The following TSPAN18 variants were observed in gnomAD, a reference collection of about 807,000 sequenced individuals.
TSPAN18 encodes tetraspanin 18, also known as tetraspanin-18.
In TSPAN18, 14 loss-of-function variants were observed where a neutral mutation model predicts 27.3. The observed-to-expected ratio is 0.51, with a 90% CI of 0.34 to 0.80. TSPAN18 has a LOEUF of 0.80. Among genes scored for constraint, TSPAN18 ranks in the 30% least tolerant of loss-of-function variants. The pLI is 0.01. For missense variants in TSPAN18, 268 were observed against 323.9 expected (o/e 0.83, Z 1.32); for synonymous variants, 143 against 136.5 (o/e 1.05, Z -0.33).
intron 5 of TSPAN18, among the ~76,000 whole-genome samples, chr11:44,912,389 C>G (rs1859753875): frequency 6.6e-6 from 1 of 151,720 alleles, no homozygotes; most frequent in African/African-American, 2.4e-5. Flanking sequence ...CTCTCCCTCC[C>G]CGTTTCCCTG....
At position 44,929,446 on chromosome 11, in the gene TSPAN18, G is replaced by A. The variant is rs1276502127; in HGVS notation, c.*268G>A. ...CAGCAACTGGCCCAGGATGCAGGCTGCTCTAGAGACCAAAGGAACACCAGG... is the reference window on the plus strand; with the variant it reads ...CAGCAACTGGCCCAGGATGCAGGCTACTCTAGAGACCAAAGGAACACCAGG... On this transcript the variant is annotated 3_prime_UTR_variant, in exon 10 of 10. Transcript: ENST00000520358. 1 of 499,950 alleles carries A rather than the reference G, an allele frequency of 2.0e-6. No homozygotes were observed. Among genetic ancestry groups the A allele is most frequent in the Non-Finnish European group, 3.5e-6 (1 of 281,810 alleles). 31.0% of individuals were successfully genotyped at this position (499,950 alleles called of 1,614,324 possible). A position where few individuals can be genotyped will look rare whatever the true frequency, so the allele number is the denominator to read the frequency against.
chr11:44,751,505 G>A (rs1855209757), intron 1 of TSPAN18, among the ~76,000 whole-genome samples: 1 of 152,142 alleles, frequency 6.6e-6, no homozygotes, highest in Non-Finnish European at 1.5e-5. Flanking sequence ...ACATGCTTAG[G>A]AAGTGCCTGA....
Position 44,929,207 on chromosome 11 carries a change from C to A in TSPAN18, c.*29C>A. 1 of 1,613,118 alleles carries A rather than the reference C, an allele frequency of 6.2e-7. No individual in the cohort carries two copies. Among genetic ancestry groups the A allele is most frequent in the Admixed American group, 1.7e-5 (1 of 60,028 alleles). The stretch of plus-strand genomic sequence containing the variant: ...GTATGGCCTGAAGCCTGAAGACTCG[C>A]CCCACCCACCACTGCCCAGCACCCA... On this transcript the variant is annotated 3_prime_UTR_variant, in exon 10 of 10. Coordinates refer to ENST00000520358, the MANE Select transcript of TSPAN18 (RefSeq NM_130783.5).
chr11:44,862,701 A>G (rs1039995703), intron 3 of TSPAN18, among the ~76,000 whole-genome samples: 2 of 152,010 alleles, frequency 1.3e-5, no homozygotes, highest in East Asian at 1.9e-4. Context: ...CTTGCCCCCA[A>G]CCCCTCGCCT....
At chr11:44,740,069 G>T (rs576044572) in intron 1 of TSPAN18, among the ~76,000 whole-genome samples, 7 of 152,342 alleles carry the variant, frequency 4.6e-5, no homozygotes, top group Admixed American at 2.6e-4. Flanking sequence ...GACACCTATG[G>T]TAGGGTGGCT....
intron 3 of TSPAN18, among the ~76,000 whole-genome samples, chr11:44,893,750 T>C (rs531736241): frequency 6.6e-6 from 1 of 152,344 alleles, no homozygotes; most frequent in Non-Finnish European, 1.5e-5. Flanking sequence ...TAGAGCTTTT[T>C]GGAGGATCAA....
At chr11:44,820,242 A>C (rs550791643) in intron 2 of TSPAN18, among the ~76,000 whole-genome samples, 201 of 152,338 alleles carry the variant, frequency 1.3e-3, no homozygotes, top group African/African-American at 4.7e-3. Context: ...TAAGTTTCTC[A>C]TAGCCAACTG....
intron 5 of TSPAN18, among the ~76,000 whole-genome samples, chr11:44,913,097 A>C (rs1452509015): frequency 2.6e-5 from 4 of 152,106 alleles, no homozygotes; most frequent in African/African-American, 9.7e-5. Context: ...ATGGAGCCTC[A>C]CCCCTGGCAG....
At position 44,919,418 on chromosome 11, in the gene TSPAN18, C is replaced by G. The variant is rs554649699; in HGVS notation, c.432+106C>G. ...TCAATCCAGGCACTCTCCCATTGATCACAGACCTGGCCTTGGAATCACCAT... is the reference window on the plus strand; with the variant it reads ...TCAATCCAGGCACTCTCCCATTGATGACAGACCTGGCCTTGGAATCACCAT... On this transcript the variant is annotated intron_variant, in intron 7 of 9. Transcript: ENST00000520358. 8.1e-6 allele frequency: 8 copies of G among 987,688 alleles called. No homozygotes were observed. In the African/African-American group the frequency reaches 1.3e-4, roughly 16 times the overall value. 61.2% of individuals were successfully genotyped at this position (987,688 alleles called of 1,614,324 possible).
chr11:44,784,293 A>G (rs1856006580), intron 2 of TSPAN18, among the ~76,000 whole-genome samples: 1 of 152,054 alleles, frequency 6.6e-6, no homozygotes, highest in Non-Finnish European at 1.5e-5. Flanking sequence ...ACATATGAGG[A>G]CCAACCTGTA....
intron 2 of TSPAN18, among the ~76,000 whole-genome samples, chr11:44,784,219 C>A (rs1856004424): frequency 6.6e-6 from 1 of 152,150 alleles, no homozygotes; most frequent in South Asian, 2.1e-4. Flanking sequence ...GACATTCCTG[C>A]CTTAGCTTCT....
rs773586685 is a variant in TSPAN18 at position 44,908,768 on chromosome 11, G to GAAAGAAA, written c.64-937_64-936insAAAGAAA. On this transcript the variant is annotated intron_variant, in intron 4 of 9. Coordinates refer to ENST00000520358, the MANE Select transcript of TSPAN18 (RefSeq NM_130783.5). ...AAAGAGAGAGAGAGAGAGAGAGAAA[G>GAAAGAAA]GAGAAAGAAAGAAAGAAAGAAAGAA... Among the ~76,000 whole-genome samples the GAAAGAAA allele has an allele frequency of 8.0e-3, 225 of 28,142 alleles. 1 individual carries two copies. The highest frequency in any genetic ancestry group is 0.014 in the South Asian group (10 of 712). 18.5% of individuals were successfully genotyped at this position (28,142 alleles called of 152,430 possible).
At chr11:44,796,868 C>T (rs1430875482) in intron 2 of TSPAN18, among the ~76,000 whole-genome samples, 2 of 152,102 alleles carry the variant, frequency 1.3e-5, no homozygotes, top group African/African-American at 4.8e-5. Context: ...CAAATGATCA[C>T]CCACGTTGAG....
At chr11:44,838,504 T>A (rs1284281011) in intron 2 of TSPAN18, among the ~76,000 whole-genome samples, 1 of 152,138 alleles carries the variant, frequency 6.6e-6, no homozygotes, top group Admixed American at 6.5e-5. Flanking sequence ...ACTTTGTAGA[T>A]GTGATTGAGT....
chr11:44,791,976 C>T (rs1294160070), intron 2 of TSPAN18, among the ~76,000 whole-genome samples: 2 of 152,118 alleles, frequency 1.3e-5, no homozygotes, highest in Non-Finnish European at 2.9e-5. Context: ...CAGACAATGT[C>T]CTGGATAGGG....
At chr11:44,807,984 C>T (rs1856637070) in intron 2 of TSPAN18, among the ~76,000 whole-genome samples, 1 of 152,136 alleles carries the variant, frequency 6.6e-6, no homozygotes, top group Non-Finnish European at 1.5e-5. Flanking sequence ...CTGGGGATCT[C>T]CCCTAGAATG....
In TSPAN18 at chr11:44,741,298, G is replaced by A. The variant is rs374940133; in HGVS notation, c.-240+14011G>A. Among the ~76,000 whole-genome samples the A allele has an allele frequency of 2.1e-4, 32 of 152,322 alleles. 1 individual carries two copies. In the South Asian group the frequency reaches 6.4e-3, roughly 31 times the overall value. ...CAAAGCAGTTTAATGAAAGAAAAGT[G>A]TCTGAAGATTGGCTGCACAATGAGC... On this transcript the variant is annotated intron_variant, in intron 1 of 9. Coordinates refer to ENST00000520358, the MANE Select transcript of TSPAN18 (RefSeq NM_130783.5).
intron 2 of TSPAN18, among the ~76,000 whole-genome samples, chr11:44,797,242 C>T (rs12277951): frequency 0.016 from 2,451 of 152,192 alleles, 72 homozygotes; most frequent in African/African-American, 0.057. Context: ...AGATGAGAAC[C>T]GAGAGGTTCC....
chr11:44,840,452 A>C (rs1857351011), intron 2 of TSPAN18, among the ~76,000 whole-genome samples: 1 of 152,214 alleles, frequency 6.6e-6, no homozygotes, highest in Non-Finnish European at 1.5e-5. Context: ...TAATAGCCCT[A>C]AGGTGAGGTA....
Sources: gnomAD v4.1 joint callset for allele counts (sites outside exome capture counted in the v4.1 genomes callset) on GRCh38, gnomAD v4.1.1 for gene constraint, MANE v1.5 for transcripts, NCBI Gene and HGNC (gene_info 2026-07-23, HGNC 2026-07-21) for gene names.